Variants in CPQ observed in about 807,000 individuals in gnomAD.
The protein encoded by CPQ is carboxypeptidase Q.
A neutral mutation model predicts 45.7 loss-of-function variants in CPQ; 37 were observed. The observed-to-expected ratio is 0.81, with a 90% CI of 0.62 to 1.07. CPQ has a LOEUF of 1.07. Ranked by LOEUF, CPQ falls within the 50% of genes least tolerant of loss-of-function variation. The pLI is 0.00. For missense variants in CPQ, 537 were observed against 572.9 expected, an observed-to-expected ratio of 0.94 and a Z score of 0.64; for synonymous variants, 186 against 205.8, an observed-to-expected ratio of 0.90 and a Z score of 0.82.
chr8:97,044,986 C>T (rs11998498), intron 6 of CPQ, among the ~76,000 whole-genome samples: 13,068 of 152,064 alleles, frequency 0.086, 1,108 homozygotes, highest in African/African-American at 0.22. Context: ...TCTCCAGCTG[C>T]GTGCTGGGAG....
chr8:96,761,850 G>T (rs4354279), intron 1 of CPQ, among the ~76,000 whole-genome samples: 3 of 152,218 alleles, frequency 2.0e-5, no homozygotes, highest in African/African-American at 7.2e-5. Flanking sequence ...TCAGGGCTCA[G>T]TCTCTTTACT....
At chr8:96,737,714 TC>T (rs200934878) in intron 1 of CPQ, among the ~76,000 whole-genome samples, 1,860 of 152,226 alleles carry the variant, frequency 0.012, 16 homozygotes, top group Non-Finnish European at 0.017. Flanking sequence ...TATCCCTCAG[TC>T]CAATCAAGTT....
At chr8:96,786,875 A>T (rs1810775398) in intron 2 of CPQ, among the ~76,000 whole-genome samples, 1 of 152,040 alleles carries the variant, frequency 6.6e-6, no homozygotes, top group Admixed American at 6.6e-5. Context: ...GGACTATGAG[A>T]TTTTTATTAT....
intron 3 of CPQ, among the ~76,000 whole-genome samples, chr8:96,851,518 T>A (rs1811770776): frequency 6.6e-6 from 1 of 152,266 alleles, no homozygotes; most frequent in South Asian, 2.1e-4. Context: ...TTCTTCATCC[T>A]CCAGAGGGGA....
chr8:96,688,773 A>G (rs1809268351), intron 1 of CPQ, among the ~76,000 whole-genome samples: 1 of 152,146 alleles, frequency 6.6e-6, no homozygotes, highest in African/African-American at 2.4e-5. Flanking sequence ...CTAGTATATC[A>G]ATTAGAATAT....
intron 1 of CPQ, among the ~76,000 whole-genome samples, chr8:96,689,664 T>G (rs541620841): frequency 9.2e-5 from 14 of 151,884 alleles, no homozygotes; most frequent in South Asian, 4.1e-4. Flanking sequence ...CCTTGAGGAC[T>G]TTTCTCTAGA....
Position 96,936,100 on chromosome 8 carries a change from C to T in CPQ, c.850-29835C>T, listed in dbSNP as rs139459399. ...GGCCTTTTTGTGTAGTTCTCTTGTG[C>T]CTGGAGAAAACTCAGGGTTTGTGTG... On this transcript the variant is annotated intron_variant, in intron 4 of 7. Transcript: ENST00000220763. Among the ~76,000 whole-genome samples, 11 of 151,924 alleles carry T rather than the reference C, an allele frequency of 7.2e-5. No individual in the cohort carries two copies. The East Asian group carries it at 2.1e-3, about 29-fold the overall frequency.
At chr8:96,964,173 T>TACACACACAC (rs71267285) in intron 4 of CPQ, among the ~76,000 whole-genome samples, 172 of 133,460 alleles carry the variant, frequency 1.3e-3, no homozygotes, top group African/African-American at 3.8e-3. Flanking sequence ...GGTTAAAGTA[T>TACACACACAC]ACACACACAC....
At chr8:97,024,519 ATCT>A (rs1173289572) in intron 5 of CPQ, among the ~76,000 whole-genome samples, 5 of 152,292 alleles carry the variant, frequency 3.3e-5, no homozygotes, top group East Asian at 1.9e-4. Context: ...CTTCAAGGTG[ATCT>A]TCTGTTCTGC....
intron 3 of CPQ, among the ~76,000 whole-genome samples, chr8:96,851,263 T>A (rs767579686): frequency 6.6e-6 from 1 of 152,194 alleles, no homozygotes. Flanking sequence ...CGTAGGTAAG[T>A]CTCTTTGTAA....
At chr8:96,660,603 C>T (rs780604721) in intron 1 of CPQ, among the ~76,000 whole-genome samples, 1 of 151,404 alleles carries the variant, frequency 6.6e-6, no homozygotes, top group African/African-American at 2.4e-5. Flanking sequence ...GGTTCTGAAT[C>T]AGTAGGTCTG....
intron 1 of CPQ, chr8:96,761,586 A>G (rs1810406822): frequency 6.6e-6 from 1 of 152,150 alleles, no homozygotes; most frequent in African/African-American, 2.4e-5. Flanking sequence ...TGGTAGTTCA[A>G]AGATCTGGCT....
intron 1 of CPQ, among the ~76,000 whole-genome samples, chr8:96,700,372 A>G (rs535560831): frequency 1.3e-5 from 2 of 152,182 alleles, no homozygotes; most frequent in South Asian, 4.2e-4. Flanking sequence ...AGCAGGTAGA[A>G]TGCAAGGCAT....
At chr8:96,731,455 G>C (rs1438197477) in intron 1 of CPQ, among the ~76,000 whole-genome samples, 2 of 152,080 alleles carry the variant, frequency 1.3e-5, no homozygotes, top group African/African-American at 4.8e-5. Flanking sequence ...TCATATGGTA[G>C]GGTGTACACA....
chr8:96,934,931 A>G (rs1813024725), intron 4 of CPQ, among the ~76,000 whole-genome samples: 2 of 152,224 alleles, frequency 1.3e-5, no homozygotes, highest in African/African-American at 4.8e-5. Context: ...TATGCAGCCT[A>G]CATTTCTCTC....
At position 96,854,557 on chromosome 8, in the gene CPQ, A is replaced by AAAAAAAAAAAAAAAACAC. The variant is rs1554573253; in HGVS notation, c.641+19379_641+19380insAAAAAAAAAAAAACACAA. On this transcript the variant is annotated intron_variant, in intron 3 of 7. Transcript: ENST00000220763. ...AAAAAAAAAAAAAAAAAAAAAAAAA[A>AAAAAAAAAAAAAAAACAC]AATGTGGTGGAACTAAAAGCCCAGT... Among the ~76,000 whole-genome samples, 29 of 76,884 alleles carry AAAAAAAAAAAAAAAACAC rather than the reference A, an allele frequency of 3.8e-4. 6 individuals carry two copies. Among genetic ancestry groups the AAAAAAAAAAAAAAAACAC allele is most frequent in the African/African-American group, 1.3e-3 (26 of 20,036 alleles). 50.4% of individuals were successfully genotyped at this position (76,884 alleles called of 152,430 possible). A position where few individuals can be genotyped will look rare whatever the true frequency, so the allele number is the denominator to read the frequency against.
chr8:97,105,079 G>T (rs73268778), intron 7 of CPQ, among the ~76,000 whole-genome samples: 3,329 of 152,290 alleles, frequency 0.022, 125 homozygotes, highest in African/African-American at 0.075. Flanking sequence ...GTAGCTAATT[G>T]AAAAGACCAC....
chr8:97,036,494 G>A (rs1158922898), intron 6 of CPQ, among the ~76,000 whole-genome samples: 1 of 152,132 alleles, frequency 6.6e-6, no homozygotes, highest in Non-Finnish European at 1.5e-5. Flanking sequence ...ATTTGACTTT[G>A]AAATTTGAAA....
intron 3 of CPQ, among the ~76,000 whole-genome samples, chr8:96,860,100 T>A (rs151114233): frequency 6.6e-6 from 1 of 152,244 alleles, no homozygotes; most frequent in African/African-American, 2.4e-5. Flanking sequence ...ATGAACTCTT[T>A]TAGAGACTCT....
Sources: gnomAD v4.1 joint callset for allele counts (sites outside exome capture counted in the v4.1 genomes callset) on GRCh38, gnomAD v4.1.1 for gene constraint, MANE v1.5 for transcripts, NCBI Gene and HGNC (gene_info 2026-07-23, HGNC 2026-07-21) for gene names.